The following PTK7 variants were observed in gnomAD, a reference collection of about 807,000 sequenced individuals.
PTK7 encodes protein tyrosine kinase 7 (inactive), also known as inactive tyrosine-protein kinase 7.
PTK7 carries 39 observed loss-of-function variants against 116.6 expected under a neutral mutation model. The observed-to-expected ratio is 0.33, with a 90% CI of 0.26 to 0.44. The LOEUF (loss-of-function observed/expected upper bound fraction) is 0.44. Ranked by LOEUF, PTK7 falls within the 20% of genes least tolerant of loss-of-function variation. The probability of loss-of-function intolerance (pLI) is 1.00; values close to 1 mark genes in which losing one functional copy is unlikely to be tolerated. For synonymous variants in PTK7, 546 were observed against 563.6 expected (o/e 0.97, Z 0.44); for missense variants, 1,169 against 1,425.6 (o/e 0.82, Z 2.90).
At chr6:43,109,481 G>C (rs977630281) in intron 1 of PTK7, among the ~76,000 whole-genome samples, 1 of 152,068 alleles carries the variant, frequency 6.6e-6, no homozygotes, top group African/African-American at 2.4e-5. Flanking sequence ...ATTCTGCAAG[G>C]AGAAAGGACA....
In PTK7 at chr6:43,126,118, G is replaced by A. The variant is rs574352535; in HGVS notation, c.80-2859G>A. ...GTGGATCACTTGAGGTCAGGAGCTC[G>A]AGACTAGCCTGGCCAACATGGTGAA... On this transcript the variant is annotated intron_variant, in intron 1 of 19. Coordinates refer to ENST00000230419, the MANE Select transcript of PTK7 (RefSeq NM_002821.5). Among the ~76,000 whole-genome samples, 3 of 152,224 alleles carry A rather than the reference G, an allele frequency of 2.0e-5. No individual in the cohort carries two copies. In the East Asian group the frequency reaches 5.8e-4, roughly 29 times the overall value.
chr6:43,108,094 C>CTTTTT (rs1327874500), intron 1 of PTK7, among the ~76,000 whole-genome samples: 1 of 137,424 alleles, frequency 7.3e-6, no homozygotes, highest in Non-Finnish European at 1.6e-5. Context: ...GCTGCTTTAA[C>CTTTTT]TTTTTTTTTT....
intron 17 of PTK7, among the ~76,000 whole-genome samples, chr6:43,158,285 C>G (rs1278953374): frequency 1.3e-5 from 2 of 150,528 alleles, no homozygotes; most frequent in African/African-American, 4.9e-5. Context: ...GGCAACAGAG[C>G]AAGACTCCGT....
Position 43,143,717 on chromosome 6 carries a change from G to A in PTK7, c.2251+97G>A. The A allele has an allele frequency of 7.5e-7, 1 of 1,336,728 alleles. No homozygotes were observed. The highest frequency in any genetic ancestry group is 1.5e-5 in the African/African-American group (1 of 67,970). The allele number at this position is 1,336,728 out of a possible 1,614,324, so 82.8% of individuals were successfully genotyped here. On this transcript the variant is annotated intron_variant, in intron 14 of 19. Coordinates refer to ENST00000230419, the MANE Select transcript of PTK7 (RefSeq NM_002821.5). The surrounding 1 kb of genome is among the most constrained non-coding windows in gnomAD (Gnocchi z 4.2). ...AGAGCGCCAGCACTCTGGAAACCGAGCGGCTGTTGCTGGGTCCTGGAGCTG... is the reference window on the plus strand; with the variant it reads ...AGAGCGCCAGCACTCTGGAAACCGAACGGCTGTTGCTGGGTCCTGGAGCTG...
At chr6:43,152,470 G>A (rs1273317156) in intron 17 of PTK7, among the ~76,000 whole-genome samples, 3 of 152,188 alleles carry the variant, frequency 2.0e-5, no homozygotes, top group African/African-American at 4.8e-5. Flanking sequence ...CGGAGGTTGC[G>A]GAGAGCTGAG....
chr6:43,140,994 TC>T (rs757768243), intron 10 of PTK7, among the ~76,000 whole-genome samples: 8 of 152,158 alleles, frequency 5.3e-5, no homozygotes, highest in Non-Finnish European at 1.0e-4. Flanking sequence ...ACTTAACTGT[TC>T]CTTAAATGTT....
At chr6:43,150,948 G>A (rs1303977650) in intron 17 of PTK7, among the ~76,000 whole-genome samples, 1 of 151,446 alleles carries the variant, frequency 6.6e-6, no homozygotes, top group African/African-American at 2.4e-5. Flanking sequence ...TTAGCCTCCC[G>A]AGTAGCTGGG....
At chr6:43,146,799 A>G in intron 17 of PTK7, 101 bp downstream of exon 17, 3 of 1,005,312 alleles carry the variant, frequency 3.0e-6, no homozygotes, top group Non-Finnish European at 4.6e-6. Context: ...GCCAGGCCCT[A>G]TGGTAAGAAC....
At chr6:43,127,184 C>A (rs1276146762) in intron 1 of PTK7, among the ~76,000 whole-genome samples, 1 of 152,238 alleles carries the variant, frequency 6.6e-6, no homozygotes, top group East Asian at 1.9e-4. Context: ...TAGTACCTTT[C>A]TGCCCTTGCC....
At position 43,139,607 on chromosome 6, in the gene PTK7, G is replaced by A. The variant is rs529856736; in HGVS notation, c.1618+82G>A. On this transcript the variant is annotated intron_variant, in intron 10 of 19. Coordinates refer to ENST00000230419, the MANE Select transcript of PTK7 (RefSeq NM_002821.5). The surrounding 1 kb of genome is among the most constrained non-coding windows in gnomAD (Gnocchi z 4.6). ...ATACCTGAGGGCTGCTGGGTGCCCCGCACTGTGCCAGGAAATGTGGAGATT... is the reference window on the plus strand; with the variant it reads ...ATACCTGAGGGCTGCTGGGTGCCCCACACTGTGCCAGGAAATGTGGAGATT... 3.8e-6 allele frequency: 6 copies of A among 1,570,186 alleles called. No homozygotes were observed. The highest frequency in any genetic ancestry group is 2.7e-5 in the African/African-American group (2 of 73,952).
chr6:43,125,521 C>G (rs1428593062), intron 1 of PTK7, among the ~76,000 whole-genome samples: 1 of 152,182 alleles, frequency 6.6e-6, no homozygotes, highest in South Asian at 2.1e-4. Context: ...GGGCCCCTTC[C>G]CCTCTATCCC....
intron 15 of PTK7, chr6:43,144,898 G>GA (rs1366563290): frequency 1.2e-5 from 5 of 413,966 alleles, no homozygotes; most frequent in Non-Finnish European, 1.7e-5. Context: ...AAAAATATGA[G>GA]AAATCATGGG....
Position 43,160,976 on chromosome 6 carries a change from T to G in PTK7, c.*95T>G, listed in dbSNP as rs45454097. The G allele has an allele frequency of 2.7e-6, 4 of 1,461,768 alleles. No homozygotes were observed. In the South Asian group the frequency reaches 5.2e-5, roughly 19 times the overall value. 90.5% of individuals were successfully genotyped at this position (1,461,768 alleles called of 1,614,324 possible). On this transcript the variant is annotated 3_prime_UTR_variant, in exon 20 of 20. Coordinates refer to ENST00000230419, the MANE Select transcript of PTK7 (RefSeq NM_002821.5). ...GCAAGATCCCTGTCCTCCTGGGCCC[T>G]GAGGCCCCTGCCCTAGTGCAACAGG... is the stretch of plus-strand genomic sequence containing the variant.
At chr6:43,105,076 G>T (rs1767798444) in intron 1 of PTK7, among the ~76,000 whole-genome samples, 2 of 150,998 alleles carry the variant, frequency 1.3e-5, no homozygotes, top group African/African-American at 4.9e-5. Flanking sequence ...CTCCCAAAGT[G>T]CTGGGATTAT....
At chr6:43,122,048 G>A (rs1231072599) in intron 1 of PTK7, among the ~76,000 whole-genome samples, 1 of 152,162 alleles carries the variant, frequency 6.6e-6, no homozygotes, top group East Asian at 1.9e-4. Context: ...AGGCTGAGGT[G>A]GGAGAATTGC....
chr6:43,143,392 C>G lies in PTK7; in HGVS notation c.2048-25C>G. 6.2e-7 allele frequency: 1 copy of G among 1,610,548 alleles called. No individual in the cohort carries two copies. On this transcript the variant is annotated intron_variant, in intron 13 of 19. Transcript: ENST00000230419. This position sits in a 1 kb window ranked among gnomAD's most constrained non-coding sequence, Gnocchi z 4.2. ...GCTTCTTTTGCTTAGCAGCCCCTGC[C>G]CAGACCCATCTGTGTGTCTCTCAGA...
At position 43,129,813 on chromosome 6, in the gene PTK7, A is replaced by G. The variant is rs901726790; in HGVS notation, c.454A>G (p.Ile152Val). ...PQTQVTLRCHIDGHPRPTYQW... is the reference protein window; with the variant it reads ...PQTQVTLRCHVDGHPRPTYQW... ...GACCCAGGTCACACTTCGTTGCCACATTGATGGGCACCCTCGGTAAGGAGT... is the reference window on the plus strand; with the variant it reads ...GACCCAGGTCACACTTCGTTGCCACGTTGATGGGCACCCTCGGTAAGGAGT... Residue 152 changes from isoleucine to valine, a missense_variant, in exon 3 of 20, where the codon ATT becomes GTT. Ile to Val is a conservative substitution (Grantham distance 29). This residue lies in a region of PTK7 where 487 missense variants were observed against 549.8 expected (regional missense o/e 0.89). Transcript: ENST00000230419. This position sits in a 1 kb window ranked among gnomAD's most constrained non-coding sequence, Gnocchi z 4.5. The G allele has an allele frequency of 7.4e-6, 12 of 1,614,038 alleles. No homozygotes were observed. The highest frequency in any genetic ancestry group is 1.0e-5 in the Non-Finnish European group (12 of 1,179,908).
intron 1 of PTK7, among the ~76,000 whole-genome samples, chr6:43,088,513 T>C (rs1419424311): frequency 6.6e-6 from 1 of 151,354 alleles, no homozygotes; most frequent in Non-Finnish European, 1.5e-5. Flanking sequence ...ACCAACATGG[T>C]GAAACCCAGT....
At chr6:43,093,949 C>G (rs570851655) in intron 1 of PTK7, among the ~76,000 whole-genome samples, 1 of 152,298 alleles carries the variant, frequency 6.6e-6, no homozygotes, top group Non-Finnish European at 1.5e-5. Context: ...GTGCAAACAT[C>G]TCATTGGTTA....
Sources: gnomAD v4.1 joint callset for allele counts (sites outside exome capture counted in the v4.1 genomes callset) on GRCh38, gnomAD v4.1.1 for gene constraint, gnomAD v4.1.1 regional missense constraint, Gnocchi (gnomAD v3.1) non-coding constraint, MANE v1.5 for transcripts, NCBI Gene and HGNC (gene_info 2026-07-23, HGNC 2026-07-21) for gene names.